The following AFF1 variants were observed in gnomAD, a reference collection of about 807,000 sequenced individuals.
AFF1 encodes the protein AF4/FMR2 family member 1.
A neutral mutation model predicts 121.7 loss-of-function variants in AFF1; 48 were observed. That is an observed-to-expected ratio of 0.39 (90% CI 0.31 to 0.50). The LOEUF is 0.50. Among genes scored for constraint, AFF1 ranks in the 20% least tolerant of loss-of-function variants. The pLI, the probability that AFF1 is intolerant of heterozygous loss-of-function variation, is 0.76. For missense variants in AFF1, 1,523 were observed against 1,511.7 expected, an observed-to-expected ratio of 1.01 and a Z score of -0.12; for synonymous variants, 613 against 563.0, an observed-to-expected ratio of 1.09 and a Z score of -1.26.
At chr4:87,131,956 A>ATGTTAC in intron 18 of AFF1, 92 bp downstream of exon 18, 1 of 1,127,478 alleles carries the variant, frequency 8.9e-7, no homozygotes, top group Non-Finnish European at 1.2e-6. Context: ...TCTTAATGTG[A>ATGTTAC]AAATTATGAA....
chr4:87,070,067 G>T (rs1721867778), intron 4 of AFF1, among the ~76,000 whole-genome samples: 1 of 151,876 alleles, frequency 6.6e-6, no homozygotes, highest in Non-Finnish European at 1.5e-5. Context: ...GCAGTGGCAG[G>T]ATCTCAGCTC....
At chr4:87,089,577 C>G in intron 5 of AFF1, among the ~76,000 whole-genome samples, 1 of 152,168 alleles carries the variant, frequency 6.6e-6, no homozygotes, top group East Asian at 1.9e-4. Flanking sequence ...TGAAATAATT[C>G]CAGGAAATGC....
chr4:86,980,873 C>G (rs1723683215), intron 2 of AFF1, among the ~76,000 whole-genome samples: 1 of 150,216 alleles, frequency 6.7e-6, no homozygotes, highest in Non-Finnish European at 1.5e-5. Context: ...GGAACTTATC[C>G]TTTAAAAGTT....
chr4:87,138,032 T>G lies in AFF1; in HGVS notation c.*2331T>G, dbSNP rs1325994256. On this transcript the variant is annotated 3_prime_UTR_variant, in exon 21 of 21. Coordinates refer to ENST00000395146, the MANE Select transcript of AFF1 (RefSeq NM_001166693.3). The stretch of plus-strand genomic sequence containing the variant: ...CAGTGGCCTTACTCTTTGTGGGTTT[T>G]TTTTTTTTTCTCTGAACTTGATATA... 4.3e-6 allele frequency: 1 copy of G among 230,346 alleles called. No homozygotes were observed. Among genetic ancestry groups the G allele is most frequent in the Admixed American group, 5.7e-5 (1 of 17,658 alleles). 14.3% of individuals were successfully genotyped at this position (230,346 alleles called of 1,614,324 possible).
chr4:87,097,785 G>T (rs1172829838), intron 8 of AFF1, among the ~76,000 whole-genome samples: 1 of 152,156 alleles, frequency 6.6e-6, no homozygotes, highest in Non-Finnish European at 1.5e-5. Context: ...TGGGAAAAAG[G>T]AATGACTTTT....
chr4:87,093,702 T>A (rs1724545864), intron 7 of AFF1, among the ~76,000 whole-genome samples: 1 of 152,190 alleles, frequency 6.6e-6, no homozygotes, highest in Admixed American at 6.5e-5. Flanking sequence ...GGAGGCCATT[T>A]GAAAATATCA....
In AFF1 at chr4:87,126,267, C is replaced by T. The variant is rs1399501826; in HGVS notation, c.2742C>T (p.His914=). 2.5e-6 allele frequency: 4 copies of T among 1,614,140 alleles called. No individual in the cohort carries two copies. ...GTGCCAGCAGTACCAAGAGCAACCACAAAGACTCTTCCATTCCCAAGCAGA... is the reference window on the plus strand; with the variant it reads ...GTGCCAGCAGTACCAAGAGCAACCATAAAGACTCTTCCATTCCCAAGCAGA... ...PKSASSTKSN[H]KDSSIPKQRR... Residue 914 remains histidine (H), a synonymous_variant, in exon 14 of 21, where the codon CAC becomes CAT. Transcript: ENST00000395146.
intron 4 of AFF1, among the ~76,000 whole-genome samples, chr4:87,081,385 ATC>A (rs1723162076): frequency 6.6e-6 from 1 of 151,740 alleles, no homozygotes; most frequent in African/African-American, 2.4e-5. Flanking sequence ...ATGGTCTCTT[ATC>A]TCTTGACCTC....
chr4:87,118,177 T>C (rs1165166587), intron 12 of AFF1, among the ~76,000 whole-genome samples: 1 of 152,236 alleles, frequency 6.6e-6, no homozygotes, highest in Non-Finnish European at 1.5e-5. Flanking sequence ...TAGCCAAATA[T>C]TTTCTTTCAG....
chr4:87,076,717 G>T (rs902559430), intron 4 of AFF1, among the ~76,000 whole-genome samples: 2 of 152,162 alleles, frequency 1.3e-5, no homozygotes, highest in Non-Finnish European at 2.9e-5. Flanking sequence ...TATCTGTCCA[G>T]TGATTTAAAA....
chr4:86,948,439 G>C lies in AFF1; in HGVS notation c.-36-59G>C. 4 of 1,163,834 alleles carry C rather than the reference G, an allele frequency of 3.4e-6. No individual in the cohort carries two copies. In the South Asian group the frequency reaches 4.1e-5, roughly 12 times the overall value. 72.1% of individuals were successfully genotyped at this position (1,163,834 alleles called of 1,614,324 possible). On this transcript the variant is annotated intron_variant, in intron 1 of 20. Coordinates refer to ENST00000395146, the MANE Select transcript of AFF1 (RefSeq NM_001166693.3). ...CAATAAAGCTTCTTACAGGTCATGC[G>C]TATCCCTGAATTTACTCACAGGCTA...
intron 8 of AFF1, among the ~76,000 whole-genome samples, chr4:87,097,597 G>A (rs1423531114): frequency 1.3e-5 from 2 of 152,184 alleles, no homozygotes; most frequent in Admixed American, 6.5e-5. Flanking sequence ...TATTTGTGAT[G>A]ATCCTAATAG....
intron 2 of AFF1, among the ~76,000 whole-genome samples, chr4:86,996,265 G>A (rs1264346650): frequency 1.3e-5 from 2 of 152,144 alleles, no homozygotes; most frequent in African/African-American, 2.4e-5. Context: ...TGACAATGGC[G>A]GTTTTGTGGA....
intron 4 of AFF1, among the ~76,000 whole-genome samples, chr4:87,060,232 C>A (rs1352045232): frequency 6.6e-6 from 1 of 152,146 alleles, no homozygotes; most frequent in East Asian, 1.9e-4. Flanking sequence ...CTGTACTTTT[C>A]AGAATTGAGC....
intron 2 of AFF1, among the ~76,000 whole-genome samples, chr4:87,019,806 A>C (rs924354229): frequency 3.4e-5 from 5 of 147,708 alleles, no homozygotes; most frequent in Admixed American, 2.8e-4. Flanking sequence ...AAATTAATTG[A>C]AACCGTGGGA....
chr4:87,046,064 C>G, intron 2 of AFF1, 102 bp from the exon 3 acceptor site: 2 of 1,425,758 alleles, frequency 1.4e-6, no homozygotes, highest in East Asian at 4.7e-5. Flanking sequence ...CTGCTTCTTC[C>G]CAGACCTGTC....
rs772265213 is a variant in AFF1 at position 87,108,159 on chromosome 4, T to C, written c.1377T>C (p.Ser459=). ...ATTTTATCTTTTGGTTGCTTTGCAG[T>C]GCTCCACAGTCCCTTCCAGAACCAG... ...EKPPSSSAPP[S]APQSLPEPVA... is the part of the protein sequence containing the mutation. Residue 459 remains serine, a splice_region_variant and synonymous_variant, in exon 11 of 21, where the codon AGT becomes AGC. Coordinates refer to ENST00000395146, the MANE Select transcript of AFF1 (RefSeq NM_001166693.3). The C allele has an allele frequency of 3.1e-6, 5 of 1,613,544 alleles. No individual in the cohort carries two copies. Among genetic ancestry groups the C allele is most frequent in the Non-Finnish European group, 2.5e-6 (3 of 1,179,730 alleles).
At chr4:86,996,972 C>T (rs1306353747) in intron 2 of AFF1, among the ~76,000 whole-genome samples, 5 of 152,112 alleles carry the variant, frequency 3.3e-5, no homozygotes, top group Admixed American at 6.5e-5. Context: ...AGTGCAGTGG[C>T]ACGATCTCAG....
intron 8 of AFF1, among the ~76,000 whole-genome samples, chr4:87,102,528 A>T (rs186404881): frequency 6.6e-6 from 1 of 152,096 alleles, no homozygotes; most frequent in Non-Finnish European, 1.5e-5. Context: ...ATGTGAAGGG[A>T]TGGTCAAAAG....
Sources: allele counts gnomAD v4.1 joint callset (sites outside exome capture counted in the v4.1 genomes callset), GRCh38; gene constraint gnomAD v4.1.1; transcripts MANE v1.5; gene names NCBI Gene and HGNC (gene_info 2026-07-23, HGNC 2026-07-21).